The following FABP12 variants were observed in gnomAD, a reference collection of about 807,000 sequenced individuals.
The protein encoded by FABP12 is fatty acid-binding protein 12.
FABP12 carries 19 observed loss-of-function variants against 13.7 expected under a neutral mutation model. The ratio of observed to expected loss-of-function variants is 1.39; its 90% CI spans 0.97 to 2.04. The LOEUF is 2.04. Among genes scored for constraint, FABP12 ranks in the 30% most tolerant of loss-of-function variants. FABP12 has a pLI of 0.00. For missense variants in FABP12, 182 were observed against 164.2 expected, an observed-to-expected ratio of 1.11 and a Z score of -0.59; for synonymous variants, 61 against 57.0, an observed-to-expected ratio of 1.07 and a Z score of -0.32.
At chr8:81,543,160 G>A (rs1038499701) in intron 1 of FABP12, among the ~76,000 whole-genome samples, 7 of 152,188 alleles carry the variant, frequency 4.6e-5, no homozygotes, top group African/African-American at 1.4e-4. Context: ...TGAAGGCAGA[G>A]CACTTCCATC....
In FABP12 at chr8:81,557,064, G is replaced by A. The variant is rs187309093; in HGVS notation, c.-184-17321C>T. Among the ~76,000 whole-genome samples the A allele has an allele frequency of 2.2e-3, 332 of 151,676 alleles. 2 individuals carry two copies. Among genetic ancestry groups the A allele is most frequent in the African/African-American group, 7.3e-3 (302 of 41,352 alleles). On this transcript the variant is annotated intron_variant, in intron 1 of 5. Coordinates refer to the FABP12 transcript ENST00000692030. Reference sequence around the variant, plus strand: ...TTATTTTTGTATTTTTAGTAGAGACGGAGTTTCACTATGTTGGCCAGGCTG... The same window carrying A: ...TTATTTTTGTATTTTTAGTAGAGACAGAGTTTCACTATGTTGGCCAGGCTG...
intron 1 of FABP12, among the ~76,000 whole-genome samples, chr8:81,579,429 A>G (rs1212219909): frequency 2.0e-5 from 3 of 152,224 alleles, no homozygotes; most frequent in Non-Finnish European, 4.4e-5. Context: ...AAATAAAAAT[A>G]TGTAGGTGCT....
At chr8:81,527,400 T>C (rs1214903998) in intron 3 of FABP12, among the ~76,000 whole-genome samples, 1 of 152,166 alleles carries the variant, frequency 6.6e-6, no homozygotes, top group East Asian at 1.9e-4. Context: ...TTTGCTCTTG[T>C]CACCCAGGCT....
At position 81,548,549 on chromosome 8, in the gene FABP12, G is replaced by C. The variant is rs1464885993; in HGVS notation, c.-184-8806C>G. On this transcript the variant is annotated intron_variant, in intron 1 of 5. Transcript: ENST00000692030. ...AATGTAGGATATACCTTTGACTAAAGAAATGTTTCTCAGACTTTGGTATGT... is the reference window on the plus strand; with the variant it reads ...AATGTAGGATATACCTTTGACTAAACAAATGTTTCTCAGACTTTGGTATGT... Among the ~76,000 whole-genome samples, 6 of 152,158 alleles carry C rather than the reference G, an allele frequency of 3.9e-5. No individual in the cohort carries two copies. The South Asian group carries it at 1.0e-3, about 26-fold the overall frequency.
intron 1 of FABP12, among the ~76,000 whole-genome samples, chr8:81,540,013 T>G (rs1478674104): frequency 1.3e-5 from 2 of 152,242 alleles, no homozygotes; most frequent in African/African-American, 4.8e-5. Context: ...AGGTCAGAAT[T>G]GCCAAGGACA....
chr8:81,550,230 C>T (rs1402051043), intron 1 of FABP12, among the ~76,000 whole-genome samples: 1 of 152,154 alleles, frequency 6.6e-6, no homozygotes, highest in East Asian at 1.9e-4. Context: ...TTGATCAAGA[C>T]AAAAGATACA....
intron 1 of FABP12, among the ~76,000 whole-genome samples, chr8:81,567,158 C>CA (rs1460771022): frequency 6.6e-6 from 1 of 151,844 alleles, no homozygotes; most frequent in African/African-American, 2.4e-5. Context: ...GAAGAGGACA[C>CA]AAAAAAATGG....
chr8:81,532,613 G>T (rs566958437), intron 1 of FABP12, among the ~76,000 whole-genome samples: 2 of 152,200 alleles, frequency 1.3e-5, no homozygotes, highest in Non-Finnish European at 2.9e-5. Flanking sequence ...ATGAGGTCAG[G>T]AGTTCAAGAT....
At chr8:81,585,701 T>C (rs1810229320) in intron 1 of FABP12, among the ~76,000 whole-genome samples, 1 of 152,226 alleles carries the variant, frequency 6.6e-6, no homozygotes. Flanking sequence ...TTCTAATCCA[T>C]GAGCATGGAA....
chr8:81,539,433 C>CTTTTTTTTTTTTTTTTTTTTTTTTTTTTT (rs35386904), intron 2 of FABP12, among the ~76,000 whole-genome samples: 1 of 50,018 alleles, frequency 2.0e-5, no homozygotes, highest in Non-Finnish European at 3.4e-5. Context: ...TTCTTTAGTT[C>CTTTTTTTTTTTTTTTTTTTTTTTTTTTTT]TTTTTTTTTT....
chr8:81,525,210 A>G lies in FABP12; in HGVS notation c.349-90T>C, dbSNP rs1237918125. 1.2e-5 allele frequency: 10 copies of G among 839,088 alleles called. No homozygotes were observed. In the East Asian group the frequency reaches 2.2e-4, roughly 19 times the overall value. 52.0% of individuals were successfully genotyped at this position (839,088 alleles called of 1,614,324 possible). On this transcript the variant is annotated intron_variant, in intron 4 of 4. Coordinates refer to ENST00000360464, the Ensembl canonical transcript of FABP12. ...CAAACTAAGTACTATCCACACATAC[A>G]TTCCTTAAAAATATTGAAAGAGAGG...
chr8:81,555,295 C>T (rs559252705), intron 1 of FABP12, among the ~76,000 whole-genome samples: 2 of 152,200 alleles, frequency 1.3e-5, no homozygotes, highest in East Asian at 3.9e-4. Flanking sequence ...CCCATAGCCT[C>T]GGATTGCTGA....
chr8:81,551,616 G>A (rs1008772450), intron 1 of FABP12, among the ~76,000 whole-genome samples: 1 of 152,150 alleles, frequency 6.6e-6, no homozygotes, highest in Non-Finnish European at 1.5e-5. Flanking sequence ...TAGTGGGGAT[G>A]TATATTGAAG....
At chr8:81,559,389 T>G (rs1434632335) in intron 1 of FABP12, among the ~76,000 whole-genome samples, 1 of 152,206 alleles carries the variant, frequency 6.6e-6, no homozygotes, top group African/African-American at 2.4e-5. Context: ...GAAAATGCCC[T>G]GATGGCCAAC....
chr8:81,577,098 A>G (rs1350221344), intron 1 of FABP12, among the ~76,000 whole-genome samples: 1 of 152,224 alleles, frequency 6.6e-6, no homozygotes, highest in East Asian at 1.9e-4. Flanking sequence ...ATTATTTGCT[A>G]CAATAAATAA....
chr8:81,585,302 T>G (rs186214507), intron 1 of FABP12, among the ~76,000 whole-genome samples: 9 of 152,334 alleles, frequency 5.9e-5, no homozygotes, highest in Admixed American at 6.5e-5. Context: ...CTTCTGCATA[T>G]AGTTATCCAG....
At chr8:81,545,195 G>A (rs988702501) in intron 1 of FABP12, among the ~76,000 whole-genome samples, 11 of 152,128 alleles carry the variant, frequency 7.2e-5, no homozygotes, top group African/African-American at 2.7e-4. Flanking sequence ...TAGAGGTTGG[G>A]TAACTCTTGG....
intron 1 of FABP12, among the ~76,000 whole-genome samples, chr8:81,554,164 T>C (rs923167002): frequency 1.3e-5 from 2 of 152,236 alleles, no homozygotes; most frequent in African/African-American, 2.4e-5. Flanking sequence ...TTTGCTCAGT[T>C]GTGCAAGGCA....
chr8:81,556,201 A>G (rs1414826521), intron 1 of FABP12, among the ~76,000 whole-genome samples: 3 of 152,214 alleles, frequency 2.0e-5, no homozygotes, highest in Admixed American at 1.3e-4. Context: ...GTTGGATGGA[A>G]AGCCGGCAGG....
Sources: gnomAD v4.1 joint callset for allele counts (sites outside exome capture counted in the v4.1 genomes callset) on GRCh38, gnomAD v4.1.1 for gene constraint, MANE v1.5 for transcripts, NCBI Gene and HGNC (gene_info 2026-07-23, HGNC 2026-07-21) for gene names.